The following TPD52 variants were observed in gnomAD, a reference collection of about 807,000 sequenced individuals.
TPD52 encodes the protein prostate and colon associated protein.
In TPD52, 17 loss-of-function variants were observed where a neutral mutation model predicts 31.3. The ratio of observed to expected loss-of-function variants is 0.54; its 90% CI spans 0.37 to 0.82. The LOEUF (loss-of-function observed/expected upper bound fraction) is 0.82. Ranked by LOEUF, TPD52 falls within the 40% of genes least tolerant of loss-of-function variation. TPD52 has a pLI of 0.00. For synonymous variants in TPD52, 83 were observed against 89.6 expected, an observed-to-expected ratio of 0.93 and a Z score of 0.42; for missense variants, 212 against 240.1, an observed-to-expected ratio of 0.88 and a Z score of 0.77.
intron 1 of TPD52, among the ~76,000 whole-genome samples, chr8:80,159,169 C>G (rs999238686): frequency 6.6e-6 from 1 of 152,124 alleles, no homozygotes; most frequent in South Asian, 2.1e-4. Context: ...GTACTAGTAA[C>G]AGATTTGTAC....
In TPD52 at chr8:80,098,637, C is replaced by A. The variant is rs1192034033; in HGVS notation, c.20-34044G>T. ...TAAGGAGTTGCTTCTTATAGATGAG[C>A]AAAGATGAAATCTACTCCTGGTGAA... On this transcript the variant is annotated intron_variant, in intron 1 of 7. Transcript: ENST00000518937. Among the ~76,000 whole-genome samples, 3 of 152,080 alleles carry A rather than the reference C, an allele frequency of 2.0e-5. No homozygotes were observed. The East Asian group carries it at 5.8e-4, about 29-fold the overall frequency.
chr8:80,062,746 T>C (rs1229555555), intron 2 of TPD52, among the ~76,000 whole-genome samples: 1 of 152,130 alleles, frequency 6.6e-6, no homozygotes, highest in Non-Finnish European at 1.5e-5. Flanking sequence ...GAGGATCACG[T>C]GAGGCCAGGA....
intron 1 of TPD52, among the ~76,000 whole-genome samples, chr8:80,094,480 A>ATATATG (rs1816573710): frequency 9.1e-6 from 1 of 110,090 alleles, no homozygotes; most frequent in Non-Finnish European, 2.0e-5. Flanking sequence ...ATATATATAT[A>ATATATG]TATATGTATG....
chr8:80,040,184 C>CTTTTTTTTTTTTTT (rs1563557956), intron 7 of TPD52, among the ~76,000 whole-genome samples: 1 of 132,384 alleles, frequency 7.6e-6, no homozygotes, highest in African/African-American at 3.1e-5. Flanking sequence ...AATACGCTAT[C>CTTTTTTTTTTTTTT]CTTTTTTTTT....
intron 1 of TPD52, among the ~76,000 whole-genome samples, chr8:80,144,863 CTTGTCCAGTAAGT>C (rs1187782404): frequency 2.0e-5 from 3 of 151,796 alleles, no homozygotes; most frequent in African/African-American, 7.3e-5. Flanking sequence ...CCTGTAGCAC[CTTGTCCAGTAAGT>C]TATAACAACC....
At chr8:80,050,303 G>A (rs2130507277) in intron 5 of TPD52, 142 bp downstream of exon 5, 1 of 639,742 alleles carries the variant, frequency 1.6e-6, no homozygotes. Flanking sequence ...AATTAGGAAT[G>A]CACTAGAGAA....
chr8:80,164,051 A>AGAGAGG, intron 1 of TPD52, among the ~76,000 whole-genome samples: 1 of 148,760 alleles, frequency 6.7e-6, no homozygotes. Context: ...AGAGAGAGAG[A>AGAGAGG]GAGACAGACA....
chr8:80,075,050 G>A (rs1814367972), intron 1 of TPD52, among the ~76,000 whole-genome samples: 1 of 152,014 alleles, frequency 6.6e-6, no homozygotes, highest in South Asian at 2.1e-4. Flanking sequence ...CGCGATCTTG[G>A]CTCACTACAA....
intron 1 of TPD52, among the ~76,000 whole-genome samples, chr8:80,149,396 G>A (rs1306315107): frequency 6.6e-6 from 1 of 152,120 alleles, no homozygotes; most frequent in Non-Finnish European, 1.5e-5. Flanking sequence ...GTGGAACTAT[G>A]AGTCAATTAA....
rs965062330 is a variant in TPD52 at position 80,088,813 on chromosome 8, C to G, written c.20-24220G>C. On this transcript the variant is annotated intron_variant, in intron 1 of 7. Transcript: ENST00000518937. The stretch of plus-strand genomic sequence containing the variant: ...AGTAAGAAGAGACACTAGGGATGCT[C>G]ACGCAAAAGGCCTTTTTCACAGAAA... Among the ~76,000 whole-genome samples the G allele has an allele frequency of 5.3e-5, 8 of 152,286 alleles. 1 individual carries two copies. The Middle Eastern group carries it at 0.01, about 194-fold the overall frequency.
chr8:80,095,329 A>G (rs1028261213), intron 1 of TPD52, among the ~76,000 whole-genome samples: 2 of 152,150 alleles, frequency 1.3e-5, no homozygotes, highest in African/African-American at 2.4e-5. Context: ...AATTATGGAG[A>G]CAGTAAAAAG....
At chr8:80,051,272 T>C (rs752905437) in intron 4 of TPD52, 14 of 514,018 alleles carry the variant, frequency 2.7e-5, no homozygotes, top group Non-Finnish European at 4.8e-5. Flanking sequence ...CATGAAGAAC[T>C]AAAAAGACAA....
chr8:80,145,551 G>A (rs59618200), intron 1 of TPD52, among the ~76,000 whole-genome samples: 19,283 of 152,210 alleles, frequency 0.13, 1,613 homozygotes, highest in African/African-American at 0.23. Flanking sequence ...ATGGGTGACT[G>A]TAGGAATCAT....
At chr8:80,079,207 G>A (rs1353023703) in intron 1 of TPD52, among the ~76,000 whole-genome samples, 1 of 152,206 alleles carries the variant, frequency 6.6e-6, no homozygotes, top group East Asian at 1.9e-4. Context: ...GAGGTCTGAG[G>A]GGGGCCACTT....
intron 1 of TPD52, among the ~76,000 whole-genome samples, chr8:80,143,939 TAA>T: frequency 7.9e-6 from 1 of 126,580 alleles, no homozygotes; most frequent in African/African-American, 3.2e-5. Flanking sequence ...TAAACAATCA[TAA>T]AAGTCACATT....
chr8:80,154,443 G>A (rs190433489), intron 1 of TPD52, among the ~76,000 whole-genome samples: 10 of 152,282 alleles, frequency 6.6e-5, no homozygotes, highest in African/African-American at 1.9e-4. Context: ...GGATGGCACC[G>A]GATTTGAATT....
Position 80,061,367 on chromosome 8 carries a change from C to A in TPD52, c.135+3111G>T, listed in dbSNP as rs1490344416. On this transcript the variant is annotated intron_variant, in intron 2 of 7. Coordinates refer to ENST00000518937, the MANE Select transcript of TPD52 (RefSeq NM_001025253.3). ...CAACAAGAGTGAAACTCCATACCTTCCCCCCCACCGCCCCCCCCAAAAAAA... is the reference window on the plus strand; with the variant it reads ...CAACAAGAGTGAAACTCCATACCTTACCCCCCACCGCCCCCCCCAAAAAAA... 3.0e-4 allele frequency among the ~76,000 whole-genome samples: 28 copies of A among 94,754 alleles called. 1 individual carries two copies. Among genetic ancestry groups the A allele is most frequent in the African/African-American group, 3.8e-4 (10 of 26,008 alleles). 62.2% of individuals were successfully genotyped at this position (94,754 alleles called of 152,430 possible).
chr8:80,111,993 T>C (rs1807529724), intron 1 of TPD52, among the ~76,000 whole-genome samples: 1 of 152,226 alleles, frequency 6.6e-6, no homozygotes, highest in African/African-American at 2.4e-5. Context: ...AATCAAAACA[T>C]TAATTGGCTC....
At chr8:80,140,082 C>T (rs1368515095) in intron 1 of TPD52, among the ~76,000 whole-genome samples, 1 of 152,228 alleles carries the variant, frequency 6.6e-6, no homozygotes, top group Non-Finnish European at 1.5e-5. Flanking sequence ...ATTTTTTCAG[C>T]ACCAGTCCAG....
Sources: allele counts gnomAD v4.1 joint callset (sites outside exome capture counted in the v4.1 genomes callset), GRCh38; gene constraint gnomAD v4.1.1; transcripts MANE v1.5; gene names NCBI Gene and HGNC (gene_info 2026-07-23, HGNC 2026-07-21).